Variants in NINL observed in about 807,000 individuals in gnomAD.
NINL encodes ninein-like protein.
Under a neutral mutation model 160.3 loss-of-function variants are expected in NINL, and 153 were observed. The observed-to-expected ratio is 0.95, with a 90% CI of 0.84 to 1.09. The LOEUF (loss-of-function observed/expected upper bound fraction) is 1.09. Ranked by LOEUF, NINL falls within the 50% of genes least tolerant of loss-of-function variation. The pLI is 0.00. For missense variants in NINL, 1,829 were observed against 1,764.0 expected, an observed-to-expected ratio of 1.04 and a Z score of -0.66; for synonymous variants, 800 against 734.8, an observed-to-expected ratio of 1.09 and a Z score of -1.43.
intron 1 of NINL, among the ~76,000 whole-genome samples, chr20:25,584,088 A>G (rs758193902): frequency 1.3e-5 from 2 of 152,234 alleles, no homozygotes; most frequent in African/African-American, 2.4e-5. Context: ...CCATCATGGC[A>G]CATGTATACC....
intron 20 of NINL, 98 bp from the exon 21 acceptor site, chr20:25,461,733 A>C (rs192892998): frequency 1.3e-4 from 111 of 859,832 alleles, no homozygotes; most frequent in Admixed American, 2.1e-4. Context: ...AAAGAAAAAA[A>C]GTACAAAATT....
chr20:25,490,039 G>C, intron 11 of NINL, 54 bp from the exon 12 acceptor site: 1 of 1,474,486 alleles, frequency 6.8e-7, no homozygotes, highest in Non-Finnish European at 9.5e-7. Flanking sequence ...GAGGGGATGT[G>C]TGCAGGATGG....
intron 1 of NINL, among the ~76,000 whole-genome samples, chr20:25,584,353 G>C (rs2065204909): frequency 6.6e-6 from 1 of 152,044 alleles, no homozygotes; most frequent in African/African-American, 2.4e-5. Flanking sequence ...CCAGCTACTC[G>C]GGAGGCTGAG....
intron 19 of NINL, among the ~76,000 whole-genome samples, chr20:25,465,352 C>T (rs1223541988): frequency 2.6e-5 from 4 of 152,206 alleles, no homozygotes; most frequent in Admixed American, 6.5e-5. Flanking sequence ...TTCCATCCCA[C>T]ATCCTCTTCT....
chr20:25,477,680 A>G (rs2063292660), intron 16 of NINL, among the ~76,000 whole-genome samples: 2 of 152,154 alleles, frequency 1.3e-5, no homozygotes, highest in Admixed American at 6.5e-5. Context: ...TCCACCTCCA[A>G]GCATTGGCAG....
At chr20:25,458,593 C>T in intron 21 of NINL, 64 bp from the exon 22 acceptor site, 2 of 1,455,736 alleles carry the variant, frequency 1.4e-6, no homozygotes, top group South Asian at 2.8e-5. Flanking sequence ...GGAGCACCCT[C>T]TCCATCCAAG....
At chr20:25,510,569 CAGGAAATTA>C in intron 5 of NINL, 96 bp downstream of exon 5, 1 of 1,001,824 alleles carries the variant, frequency 1.0e-6, no homozygotes, top group Non-Finnish European at 1.6e-6. Flanking sequence ...ATGCATTTCC[CAGGAAATTA>C]AACTTGTGGT....
intron 1 of NINL, among the ~76,000 whole-genome samples, chr20:25,546,004 C>CA (rs1412690855): frequency 6.7e-6 from 1 of 148,752 alleles, no homozygotes; most frequent in Non-Finnish European, 1.5e-5. Flanking sequence ...TTTTTTGAGA[C>CA]AGAGTCTCGC....
At chr20:25,492,740 C>A (rs2063668368) in intron 10 of NINL, among the ~76,000 whole-genome samples, 1 of 151,874 alleles carries the variant, frequency 6.6e-6, no homozygotes, top group South Asian at 2.1e-4. Context: ...CCACACCCGG[C>A]CACAACATGG....
rs761985881 is a variant in NINL at position 25,453,514 on chromosome 20, T to C, written c.4086A>G (p.Glu1362=). The C allele has an allele frequency of 1.2e-5, 19 of 1,614,128 alleles. 1 individual carries two copies. The South Asian group carries it at 1.4e-4, about 12-fold the overall frequency. ...RGAEKQSRLL[E]EKVRALNKLV... Reference sequence around the variant, plus strand: ...GTTTGTTGAGAGCGCGAACTTTTTCTTCCAAGAGGCGGCTTTGTTTCTCGG... The same window carrying C: ...GTTTGTTGAGAGCGCGAACTTTTTCCTCCAAGAGGCGGCTTTGTTTCTCGG... The change falls in exon 24 of 24, where the codon GAA becomes GAG. Residue 1362 remains glutamate (E), a synonymous_variant. Coordinates refer to ENST00000278886, the MANE Select transcript of NINL (RefSeq NM_025176.6).
chr20:25,476,957 CT>C lies in NINL; in HGVS notation c.2333del (p.Gln778ArgfsTer8), dbSNP rs771225014. ...PLPRGSQRSEQLELERALKLQ... is the reference protein window; with the variant it reads ...PLPRGSQRSEXLELERALKLQ... ...GCTTCAGTGCCCTCTCCAGCTCCAG[CT>C]GCTCCGACCTCTGGCTCCCGCGTGG... On this transcript the variant is annotated frameshift_variant, in exon 17 of 24. Coordinates refer to ENST00000278886, the MANE Select transcript of NINL (RefSeq NM_025176.6). LOFTEE classifies it high-confidence loss of function. 1 of 1,609,476 alleles carries C rather than the reference CT, an allele frequency of 6.2e-7. No individual in the cohort carries two copies.
chr20:25,476,454 G>GGGT lies in NINL; in HGVS notation c.2836_2837insACC (p.Thr946delinsAsnPro), dbSNP rs751054531. ...CTGGGTTTGCGAGGCGTCTCTCTCT[G>GGGT]TTCCCAGCAGAGGCAGCTCCCGGGC... is the stretch of plus-strand genomic sequence containing the variant. On this transcript the variant is annotated protein_altering_variant, in exon 17 of 24. Coordinates refer to ENST00000278886, the MANE Select transcript of NINL (RefSeq NM_025176.6). 41 of 1,608,038 alleles carry GGGT rather than the reference G, an allele frequency of 2.5e-5. No individual in the cohort carries two copies. Among genetic ancestry groups the GGGT allele is most frequent in the Middle Eastern group, 1.6e-4 (1 of 6,082 alleles).
intron 19 of NINL, among the ~76,000 whole-genome samples, chr20:25,466,863 T>C (rs561120763): frequency 6.6e-6 from 1 of 152,122 alleles, no homozygotes; most frequent in South Asian, 2.1e-4. Context: ...TCCCAGCATT[T>C]TGGGAGGCCA....
At chr20:25,458,799 G>C (rs2090761422) in intron 21 of NINL, 5 of 471,182 alleles carry the variant, frequency 1.1e-5, no homozygotes, top group Non-Finnish European at 1.5e-5. Context: ...GTCAGACCCA[G>C]ACTCTGCTGC....
rs765427230 is a variant in NINL at position 25,517,793 on chromosome 20, A to C, written c.237T>G (p.Gly79=). Residue 79 remains glycine, a synonymous_variant, in exon 3 of 24, where the codon GGT becomes GGG. Transcript: ENST00000278886. ...GFVAVLSSNA[G]VRPSDEDSSS... ...TACTGTCTTCATCTGAGGGGCGAAC[A>C]CCAGCATTTGAAGACAACACAGCCA... 6.2e-7 allele frequency: 1 copy of C among 1,608,710 alleles called. No homozygotes were observed. Among genetic ancestry groups the C allele is most frequent in the South Asian group, 1.1e-5 (1 of 89,724 alleles).
chr20:25,507,251 A>G (rs1418935572), intron 5 of NINL, among the ~76,000 whole-genome samples: 1 of 144,822 alleles, frequency 6.9e-6, no homozygotes, highest in Non-Finnish European at 1.5e-5. Flanking sequence ...CAGCCTCAAC[A>G]TTTTTTTTTT....
chr20:25,474,017 G>A (rs1337161832), intron 17 of NINL, among the ~76,000 whole-genome samples: 1 of 152,250 alleles, frequency 6.6e-6, no homozygotes, highest in Non-Finnish European at 1.5e-5. Flanking sequence ...CTCTAACAGA[G>A]ACTATGTGAC....
intron 1 of NINL, among the ~76,000 whole-genome samples, chr20:25,537,290 C>A (rs1263351261): frequency 1.3e-5 from 2 of 152,006 alleles, no homozygotes; most frequent in Non-Finnish European, 2.9e-5. Context: ...CCTATGTTAC[C>A]CAGGCTGGTC....
chr20:25,583,990 G>T (rs6076366), intron 1 of NINL, among the ~76,000 whole-genome samples: 54,939 of 151,810 alleles, frequency 0.36, 10,906 homozygotes, highest in Admixed American at 0.46. Context: ...CGGGGCGGGT[G>T]GGGGGCAAGA....
Sources: gnomAD v4.1 joint callset for allele counts (sites outside exome capture counted in the v4.1 genomes callset) on GRCh38, gnomAD v4.1.1 for gene constraint, MANE v1.5 for transcripts, NCBI Gene and HGNC (gene_info 2026-07-23, HGNC 2026-07-21) for gene names.